LRRC8B: variants seen among roughly 807,000 people sequenced by gnomAD.
The protein encoded by LRRC8B is leucine rich repeat containing 8 VRAC subunit B, also known as volume-regulated anion channel subunit LRRC8B.
In LRRC8B, 23 loss-of-function variants were observed where a neutral mutation model predicts 58.8. The observed-to-expected ratio is 0.39, with a 90% confidence interval of 0.28 to 0.55. The LOEUF is 0.55. Ranked by LOEUF, LRRC8B falls within the 20% of genes least tolerant of loss-of-function variation. The probability of loss-of-function intolerance (pLI) is 0.62; values close to 1 mark genes in which losing one functional copy is unlikely to be tolerated. For synonymous variants in LRRC8B, 359 were observed against 374.1 expected (o/e 0.96, Z 0.47); for missense variants, 694 against 936.0 (o/e 0.74, Z 3.37).
At chr1:89,565,785 G>A (rs1653000457) in intron 1 of LRRC8B, among the ~76,000 whole-genome samples, 2 of 152,122 alleles carry the variant, frequency 1.3e-5, no homozygotes, top group Admixed American at 6.5e-5. Flanking sequence ...GCTCATCACC[G>A]ATCACTCTGA....
intron 1 of LRRC8B, among the ~76,000 whole-genome samples, chr1:89,548,907 T>TA (rs1651606350): frequency 6.6e-6 from 1 of 152,150 alleles, no homozygotes; most frequent in African/African-American, 2.4e-5. Flanking sequence ...TTGAGGCGTA[T>TA]AAATACAATA....
chr1:89,572,889 C>T (rs1199716871), intron 3 of LRRC8B, among the ~76,000 whole-genome samples: 1 of 152,010 alleles, frequency 6.6e-6, no homozygotes, highest in Non-Finnish European at 1.5e-5. Flanking sequence ...CTAAAAACTT[C>T]AAAGAATTGA....
chr1:89,526,074 C>T (rs1038052314), intron 1 of LRRC8B, among the ~76,000 whole-genome samples: 3 of 152,226 alleles, frequency 2.0e-5, no homozygotes, highest in African/African-American at 7.2e-5. Context: ...TTATCTTTAT[C>T]AGATGGTTCT....
At chr1:89,558,293 A>T (rs980500356) in intron 1 of LRRC8B, among the ~76,000 whole-genome samples, 5 of 151,988 alleles carry the variant, frequency 3.3e-5, no homozygotes, top group African/African-American at 1.2e-4. Flanking sequence ...GGAAACAGCA[A>T]GAGCCAATAA....
chr1:89,544,250 C>T (rs970606772), intron 1 of LRRC8B, among the ~76,000 whole-genome samples: 1 of 152,070 alleles, frequency 6.6e-6, no homozygotes, highest in Non-Finnish European at 1.5e-5. Context: ...TTGTTTTCCT[C>T]TCTAGTAACA....
chr1:89,590,825 G>A (rs1654928889), intron 5 of LRRC8B, among the ~76,000 whole-genome samples: 1 of 152,218 alleles, frequency 6.6e-6, no homozygotes, highest in Non-Finnish European at 1.5e-5. Flanking sequence ...AGACAATTGT[G>A]TAATCGTTTC....
At chr1:89,548,508 A>G (rs1651575096) in intron 1 of LRRC8B, among the ~76,000 whole-genome samples, 1 of 152,232 alleles carries the variant, frequency 6.6e-6, no homozygotes, top group African/African-American at 2.4e-5. Context: ...CTGTCTTATA[A>G]TATTAAGTTA....
chr1:89,545,800 G>A (rs1241169636), intron 1 of LRRC8B, among the ~76,000 whole-genome samples: 1 of 152,164 alleles, frequency 6.6e-6, no homozygotes. Flanking sequence ...TGGAAACATC[G>A]TAGGAGGTGA....
intron 3 of LRRC8B, among the ~76,000 whole-genome samples, chr1:89,571,673 G>A (rs1401722532): frequency 1.3e-5 from 2 of 152,152 alleles, no homozygotes; most frequent in South Asian, 2.1e-4. Context: ...TCCTATTTGG[G>A]TGCACTTTCT....
intron 1 of LRRC8B, among the ~76,000 whole-genome samples, chr1:89,561,205 A>G (rs1652623434): frequency 2.0e-5 from 3 of 151,440 alleles, no homozygotes; most frequent in Admixed American, 2.0e-4. Flanking sequence ...GTGTCTGTTC[A>G]TGTCCTTCGC....
In LRRC8B at chr1:89,563,579, C is replaced by T. The variant is rs550702325; in HGVS notation, c.-240-4668C>T. 5.3e-5 allele frequency among the ~76,000 whole-genome samples: 8 copies of T among 152,120 alleles called. No individual in the cohort carries two copies. The East Asian group carries it at 5.8e-4, about 11-fold the overall frequency. On this transcript the variant is annotated intron_variant, in intron 1 of 5. Transcript: ENST00000330947. ...GTGAGAACTGGCATGGAAATCACAA[C>T]TTAGGTGGAAAACCAAACCTCCTAA...
chr1:89,532,193 T>C (rs1650189579), intron 1 of LRRC8B, among the ~76,000 whole-genome samples: 1 of 152,190 alleles, frequency 6.6e-6, no homozygotes, highest in African/African-American at 2.4e-5. Flanking sequence ...CCCCTACCCA[T>C]GTTCCCGTCA....
chr1:89,529,420 C>T (rs1649943502), intron 1 of LRRC8B, among the ~76,000 whole-genome samples: 1 of 152,172 alleles, frequency 6.6e-6, no homozygotes, highest in African/African-American at 2.4e-5. Context: ...AGCCTAAAAA[C>T]ATGGCATGTG....
At chr1:89,562,647 T>A (rs1047749067) in intron 1 of LRRC8B, among the ~76,000 whole-genome samples, 6 of 152,072 alleles carry the variant, frequency 3.9e-5, no homozygotes, top group Non-Finnish European at 5.9e-5. Flanking sequence ...ATTTTTAAAT[T>A]TGTTGTAGAG....
chr1:89,573,719 T>TA (rs1445238797), intron 3 of LRRC8B, among the ~76,000 whole-genome samples: 1 of 152,252 alleles, frequency 6.6e-6, no homozygotes, highest in Non-Finnish European at 1.5e-5. Flanking sequence ...CCTTATCTAA[T>TA]AAACCTTCCT....
At chr1:89,586,957 G>T (rs1326666900) in intron 5 of LRRC8B, among the ~76,000 whole-genome samples, 1 of 152,144 alleles carries the variant, frequency 6.6e-6, no homozygotes, top group Admixed American at 6.5e-5. Context: ...AACTATAGGT[G>T]GCACGGGAGA....
Position 89,592,909 on chromosome 1 carries a change from C to G in LRRC8B, c.2278C>G (p.Leu760Val). Reference sequence around the variant, plus strand: ...TCATCTGGAGCTCATTGGTAATTACCTGGAAACACTTCCTCCTGAACTAGA... The same window carrying G: ...TCATCTGGAGCTCATTGGTAATTACGTGGAAACACTTCCTCCTGAACTAGA... Reference protein sequence around the residue: ...LTHLELIGNYLETLPPELEGC... With the variant: ...LTHLELIGNYVETLPPELEGC... The change falls in exon 6 of 6, where the codon CTG becomes GTG. Residue 760 changes from leucine (L) to valine (V), a missense_variant. Transcript: ENST00000330947. The G allele has an allele frequency of 6.2e-7, 1 of 1,614,120 alleles. No homozygotes were observed. Among genetic ancestry groups the G allele is most frequent in the South Asian group, 1.1e-5 (1 of 91,070 alleles).
At chr1:89,528,970 C>G (rs74098294) in intron 1 of LRRC8B, among the ~76,000 whole-genome samples, 177 of 152,216 alleles carry the variant, frequency 1.2e-3, no homozygotes, top group African/African-American at 4.1e-3. Context: ...GAAATACTAT[C>G]CTTATTCCAG....
Position 89,583,954 on chromosome 1 carries a change from A to G in LRRC8B, c.1304A>G (p.Asn435Ser), listed in dbSNP as rs1446597098. Reference protein sequence around the residue: ...HLFMLNGLPDNVFELTEMEVL... With the variant: ...HLFMLNGLPDSVFELTEMEVL... ...TTTATGCTCAACGGTCTTCCAGACA[A>G]TGTCTTTGAGTTAACTGAAATGGAA... is the stretch of plus-strand genomic sequence containing the variant. The change falls in exon 5 of 6, where the codon AAT becomes AGT. Residue 435 changes from asparagine to serine, a missense_variant. Around this residue, in one of 5 missense-constraint regions of LRRC8B, gnomAD observed 162 missense variants for 198.5 expected, o/e 0.82. Coordinates refer to ENST00000330947, the MANE Select transcript of LRRC8B (RefSeq NM_001369817.2). This position sits in a 1 kb window ranked among gnomAD's most constrained non-coding sequence, Gnocchi z 5.2. The G allele has an allele frequency of 1.2e-6, 2 of 1,614,062 alleles. No homozygotes were observed. The highest frequency in any genetic ancestry group is 8.5e-7 in the Non-Finnish European group (1 of 1,180,026).
Sources: gnomAD v4.1 joint callset for allele counts (sites outside exome capture counted in the v4.1 genomes callset) on GRCh38, gnomAD v4.1.1 for gene constraint, gnomAD v4.1.1 regional missense constraint, Gnocchi (gnomAD v3.1) non-coding constraint, MANE v1.5 for transcripts, NCBI Gene and HGNC (gene_info 2026-07-23, HGNC 2026-07-21) for gene names.